Variants in SNAPC1 observed in about 807,000 individuals in gnomAD.
SNAPC1 encodes the protein small nuclear RNA activating complex polypeptide 1, also known as snRNA-activating protein complex subunit 1.
In SNAPC1, 42 loss-of-function variants were observed where a neutral mutation model predicts 50.1. The ratio of observed to expected loss-of-function variants is 0.84; its 90% confidence interval spans 0.65 to 1.08. SNAPC1 has a LOEUF of 1.08. Ranked by LOEUF, SNAPC1 falls within the 50% of genes least tolerant of loss-of-function variation. SNAPC1 has a pLI of 0.00. For missense variants in SNAPC1, 477 were observed against 427.3 expected (o/e 1.12, Z -1.02); for synonymous variants, 164 against 144.2 (o/e 1.14, Z -0.98).
chr14:61,773,007 C>T (rs1006141680), intron 4 of SNAPC1, among the ~76,000 whole-genome samples: 4 of 152,182 alleles, frequency 2.6e-5, no homozygotes, highest in African/African-American at 4.8e-5. Context: ...CCTAGCATAG[C>T]CTGTAATCCA....
intron 4 of SNAPC1, among the ~76,000 whole-genome samples, chr14:61,769,645 C>T (rs2044973942): frequency 6.6e-6 from 1 of 152,076 alleles, no homozygotes. Context: ...GATCTGCCCA[C>T]CTCTGTCTCC....
intron 4 of SNAPC1, among the ~76,000 whole-genome samples, chr14:61,770,711 T>C (rs1485074747): frequency 1.3e-5 from 2 of 152,152 alleles, no homozygotes; most frequent in African/African-American, 4.8e-5. Context: ...CACCACATTG[T>C]ATGAAAAATT....
At chr14:61,788,717 G>A (rs1419265108) in intron 8 of SNAPC1, among the ~76,000 whole-genome samples, 1 of 152,160 alleles carries the variant, frequency 6.6e-6, no homozygotes, top group African/African-American at 2.4e-5. Flanking sequence ...AAGTGGGAGA[G>A]TAAATTGGCA....
At position 61,775,953 on chromosome 14, in the gene SNAPC1, TTA is replaced by T. The variant is rs2045032281; in HGVS notation, c.535-140_535-139del. On this transcript the variant is annotated intron_variant, in intron 4 of 9. Transcript: ENST00000216294. ...AAGTTGTACTATTTTGCTTACATGATTATGTTATTTTTAATATACTATAGCAT... is the reference window on the plus strand; with the variant it reads ...AAGTTGTACTATTTTGCTTACATGATTGTTATTTTTAATATACTATAGCAT... 76 of 579,970 alleles carry T rather than the reference TTA, an allele frequency of 1.3e-4. 2 individuals are homozygous for T. The South Asian group carries it at 1.8e-3, about 14-fold the overall frequency. 35.9% of individuals were successfully genotyped at this position (579,970 alleles called of 1,614,324 possible). A position where few individuals can be genotyped will look rare whatever the true frequency, so the allele number is the denominator to read the frequency against.
intron 4 of SNAPC1, among the ~76,000 whole-genome samples, chr14:61,773,454 G>T (rs1413556818): frequency 7.1e-6 from 1 of 141,272 alleles, no homozygotes; most frequent in Non-Finnish European, 1.5e-5. Context: ...CCAGGCTGGA[G>T]TGCGATCTTG....
In SNAPC1 at chr14:61,792,848, C is replaced by T; in HGVS notation, c.1018C>T (p.Leu340=). ...NIHKEDKPLS[L]SMPVITEEEE... is the part of the protein sequence containing the mutation. Reference sequence around the variant, plus strand: ...ACACAAGGAAGATAAACCTTTAAGTCTGAGTATGCCTGTAATTACAGAAGA... The same window carrying T: ...ACACAAGGAAGATAAACCTTTAAGTTTGAGTATGCCTGTAATTACAGAAGA... Residue 340 remains leucine, a synonymous_variant, in exon 9 of 10, where the codon CTG becomes TTG. Coordinates refer to ENST00000216294, the MANE Select transcript of SNAPC1 (RefSeq NM_003082.4). 6.2e-7 allele frequency: 1 copy of T among 1,602,166 alleles called. No homozygotes were observed. Among genetic ancestry groups the T allele is most frequent in the Non-Finnish European group, 8.5e-7 (1 of 1,172,286 alleles).
chr14:61,764,828 G>A (rs1243148670), intron 1 of SNAPC1, among the ~76,000 whole-genome samples: 1 of 152,116 alleles, frequency 6.6e-6, no homozygotes, highest in East Asian at 1.9e-4. Context: ...TAGGCATTTT[G>A]TATTCTTTTC....
chr14:61,794,617 C>G (rs551870275), intron 9 of SNAPC1, among the ~76,000 whole-genome samples: 1 of 152,198 alleles, frequency 6.6e-6, no homozygotes, highest in South Asian at 2.1e-4. Context: ...ACCATGTTAG[C>G]CAGGATGGTC....
intron 4 of SNAPC1, 135 bp downstream of exon 4, chr14:61,768,875 A>T (rs2044967936): frequency 1.1e-5 from 6 of 534,542 alleles, no homozygotes; most frequent in Admixed American, 3.2e-5. Flanking sequence ...ATTTCTCTAG[A>T]GTATCAGACA....
chr14:61,778,940 A>T lies in SNAPC1; in HGVS notation c.825+30A>T. On this transcript the variant is annotated intron_variant, in intron 7 of 9. Transcript: ENST00000216294. Reference sequence around the variant, plus strand: ...GTTATTCTTTAATAAGGTAATTTGGAAATTGACTGCTTTTTAAATTATATT... The same window carrying T: ...GTTATTCTTTAATAAGGTAATTTGGTAATTGACTGCTTTTTAAATTATATT... The T allele has an allele frequency of 2.5e-6, 3 of 1,193,138 alleles. No homozygotes were observed. In the South Asian group the frequency reaches 4.1e-5, roughly 16 times the overall value. 73.9% of individuals were successfully genotyped at this position (1,193,138 alleles called of 1,614,324 possible).
chr14:61,782,403 T>C lies in SNAPC1; in HGVS notation c.976+6T>C. On this transcript the variant is annotated splice_donor_region_variant and intron_variant, in intron 8 of 9. Transcript: ENST00000216294. ...GATGTCTCTCAGAAACAAAGGTAAC[T>C]TTTTAAAGTCTTACTAAGATTCAAC... 1 of 1,602,090 alleles carries C rather than the reference T, an allele frequency of 6.2e-7. No individual in the cohort carries two copies. Among genetic ancestry groups the C allele is most frequent in the Non-Finnish European group, 8.5e-7 (1 of 1,175,492 alleles).
At position 61,794,999 on chromosome 14, in the gene SNAPC1, TA is replaced by T. The variant is rs541163238; in HGVS notation, c.*17del. ...AAAACACTGAACAAAGAGCCTGGTG[TA>T]GTTTTTAATTTTGAGTTTTCTGACA... On this transcript the variant is annotated 3_prime_UTR_variant, in exon 10 of 10. Coordinates refer to ENST00000216294, the MANE Select transcript of SNAPC1 (RefSeq NM_003082.4). 321 of 1,544,566 alleles carry T rather than the reference TA, an allele frequency of 2.1e-4. 1 individual carries two copies. The African/African-American group carries it at 3.4e-3, about 16-fold the overall frequency.
chr14:61,788,960 C>G (rs972226689), intron 8 of SNAPC1, among the ~76,000 whole-genome samples: 1 of 152,164 alleles, frequency 6.6e-6, no homozygotes, highest in African/African-American at 2.4e-5. Flanking sequence ...AGGCTGGGCA[C>G]GGTGGCTGAC....
chr14:61,794,164 A>C lies in SNAPC1; in HGVS notation c.1073-785A>C, dbSNP rs777760289. Among the ~76,000 whole-genome samples, 71 of 152,266 alleles carry C rather than the reference A, an allele frequency of 4.7e-4. 1 individual carries two copies. The highest frequency in any genetic ancestry group is 1.6e-3 in the African/African-American group (67 of 41,542). On this transcript the variant is annotated intron_variant, in intron 9 of 9. Transcript: ENST00000216294. ...TACATTTCTAGGTTTAATTGAAATG[A>C]AATTGAAATCTTAGTCATTTTCTTC...
chr14:61,778,202 C>A, intron 6 of SNAPC1, 62 bp downstream of exon 6: 1 of 949,304 alleles, frequency 1.1e-6, no homozygotes, highest in Non-Finnish European at 1.6e-6. Context: ...AGCATTGTGA[C>A]CCATGGTCAG....
intron 5 of SNAPC1, among the ~76,000 whole-genome samples, chr14:61,777,149 A>G (rs2045040169): frequency 6.6e-6 from 1 of 152,228 alleles, no homozygotes. Flanking sequence ...ATTTCTTGCT[A>G]CTTTTTCACT....
chr14:61,778,247 T>C (rs186795875), intron 6 of SNAPC1, 107 bp downstream of exon 6: 26 of 614,590 alleles, frequency 4.2e-5, no homozygotes, highest in East Asian at 4.2e-4. Context: ...TTCTGAATCA[T>C]GCTTCTGTGA....
rs2044972054 is a variant in SNAPC1 at position 61,769,409 on chromosome 14, T to TTTC, written c.534+671_534+672insCTT. 2.8e-5 allele frequency among the ~76,000 whole-genome samples: 4 copies of TTTC among 145,342 alleles called. No individual in the cohort carries two copies. In the South Asian group the frequency reaches 6.8e-4, roughly 25 times the overall value. On this transcript the variant is annotated intron_variant, in intron 4 of 9. Transcript: ENST00000216294. The stretch of plus-strand genomic sequence containing the variant: ...TTTCCTGAGGTTTTTTTTTTTTTTT[T>TTTC]TTTTCTCACACGGAGTCTTGCTCTG...
At chr14:61,781,450 CA>C (rs769588943) in intron 7 of SNAPC1, among the ~76,000 whole-genome samples, 687 of 63,622 alleles carry the variant, frequency 0.011, 5 homozygotes, top group Middle Eastern at 0.065. Flanking sequence ...ACTCCATCTC[CA>C]AAAAAAAAAA....
Sources: allele counts gnomAD v4.1 joint callset (sites outside exome capture counted in the v4.1 genomes callset), GRCh38; gene constraint gnomAD v4.1.1; transcripts MANE v1.5; gene names NCBI Gene and HGNC (gene_info 2026-07-23, HGNC 2026-07-21).